The following GNL3 variants were observed in gnomAD, a reference collection of about 807,000 sequenced individuals.
GNL3 encodes the protein guanine nucleotide-binding protein-like 3.
GNL3 carries 77 observed loss-of-function variants against 70.6 expected under a neutral mutation model. The observed-to-expected ratio is 1.09, with a 90% CI of 0.91 to 1.32. The LOEUF (loss-of-function observed/expected upper bound fraction) is 1.32. GNL3 is among the 40% of genes most tolerant of loss of function. The probability of loss-of-function intolerance (pLI) is 0.00; values close to 1 mark genes in which losing one functional copy is unlikely to be tolerated. For missense variants in GNL3, 634 were observed against 644.0 expected (o/e 0.98, Z 0.17); for synonymous variants, 252 against 216.1 (o/e 1.17, Z -1.46).
rs751951552 is a variant in GNL3, at chr3:52,689,100, A to G, written c.435A>G (p.Leu145=). 1.7e-5 allele frequency: 27 copies of G among 1,613,148 alleles called. No individual in the cohort carries two copies. The Admixed American group carries it at 4.5e-4, about 27-fold the overall frequency. ...TGATTGAAGCCTCCGATGTTGTCCT[A>G]GAGGTGTTGGATGCCAGAGATCCTC... The part of the protein sequence containing the change: ...KKVIEASDVV[L]EVLDARDPLG... Residue 145 remains leucine, a synonymous_variant, in exon 6 of 15, where the codon CTA becomes CTG. Transcript: ENST00000418458.
Position 52,690,629 on chromosome 3 carries a change from T to G in GNL3, c.579T>G (p.Asn193Lys). ...VPKENLESWL[N>K]YLKKELPTVV... ...AGGAGAATTTGGAGAGCTGGCTAAA[T>G]TATTTGAAGAAAGAATTGCCAACAG... The change falls in exon 7 of 15, where the codon AAT becomes AAG. Residue 193 changes from asparagine (N) to lysine (K), a missense_variant. Asn to Lys is a moderately conservative substitution (Grantham distance 94, BLOSUM62 0). Coordinates refer to ENST00000418458, the MANE Select transcript of GNL3 (RefSeq NM_014366.5). The G allele has an allele frequency of 1.2e-6, 2 of 1,611,130 alleles. No individual in the cohort carries two copies. Among genetic ancestry groups the G allele is most frequent in the Non-Finnish European group, 1.7e-6 (2 of 1,177,304 alleles).
chr3:52,687,489 A>C lies in GNL3; in HGVS notation c.211-13A>C. 2 of 1,602,740 alleles carry C rather than the reference A, an allele frequency of 1.2e-6. No homozygotes were observed. Among genetic ancestry groups the C allele is most frequent in the East Asian group, 4.5e-5 (2 of 44,812 alleles). On this transcript the variant is annotated splice_polypyrimidine_tract_variant and intron_variant, in intron 3 of 14. Coordinates refer to ENST00000418458, the MANE Select transcript of GNL3 (RefSeq NM_014366.5). The stretch of plus-strand genomic sequence containing the variant: ...AGTCACTGGTTCACCTATTTCCCTT[A>C]TGGCTCTGACAGCTTGAAGAACTAA...
chr3:52,688,424 C>T (rs528854907), intron 5 of GNL3, among the ~76,000 whole-genome samples: 13 of 152,322 alleles, frequency 8.5e-5, no homozygotes, highest in African/African-American at 2.9e-4. Flanking sequence ...ACCAACAAAT[C>T]ATTTCGTGAC....
Position 52,689,187 on chromosome 3 carries a change from A to G in GNL3, c.522A>G (p.Val174=). 6.2e-7 allele frequency: 1 copy of G among 1,613,512 alleles called. No individual in the cohort carries two copies. Among genetic ancestry groups the G allele is most frequent in the African/African-American group, 1.3e-5 (1 of 75,030 alleles). The change falls in exon 6 of 15, where the codon GTA becomes GTG. Residue 174 remains valine (V), a synonymous_variant. Coordinates refer to ENST00000418458, the MANE Select transcript of GNL3 (RefSeq NM_014366.5). ...AIVQSGQKKL[V]LILNKSDLVP... is the part of the protein sequence containing the mutation. ...TCCAGAGTGGACAGAAAAAGCTGGT[A>G]CTTATATTAAATAAATCAGGTGAGT...
intron 1 of GNL3, among the ~76,000 whole-genome samples, 163 bp from the exon 2 acceptor site, chr3:52,686,606 C>T (rs2097313489): frequency 6.6e-6 from 1 of 152,146 alleles, no homozygotes; most frequent in Non-Finnish European, 1.5e-5. Context: ...GAATTTAATT[C>T]TCTGGGATTT....
intron 5 of GNL3, among the ~76,000 whole-genome samples, chr3:52,688,466 C>A (rs908794144): frequency 1.3e-5 from 2 of 152,176 alleles, no homozygotes; most frequent in African/African-American, 2.4e-5. Context: ...TAATGCCTTT[C>A]CTGCTATGTT....
In GNL3 at chr3:52,690,628, A is replaced by G; in HGVS notation, c.578A>G (p.Asn193Ser). Reference sequence around the variant, plus strand: ...AAGGAGAATTTGGAGAGCTGGCTAAATTATTTGAAGAAAGAATTGCCAACA... The same window carrying G: ...AAGGAGAATTTGGAGAGCTGGCTAAGTTATTTGAAGAAAGAATTGCCAACA... ...VPKENLESWL[N>S]YLKKELPTVV... The change falls in exon 7 of 15, where the codon AAT becomes AGT. Residue 193 changes from asparagine to serine, a missense_variant. Transcript: ENST00000418458. 1 of 1,611,148 alleles carries G rather than the reference A, an allele frequency of 6.2e-7. No individual in the cohort carries two copies. Among genetic ancestry groups the G allele is most frequent in the South Asian group, 1.1e-5 (1 of 91,014 alleles).
Position 52,690,645 on chromosome 3 carries a change from T to A in GNL3, c.595T>A (p.Leu199Met). 6.2e-7 allele frequency: 1 copy of A among 1,612,020 alleles called. No individual in the cohort carries two copies. Among genetic ancestry groups the A allele is most frequent in the Non-Finnish European group, 8.5e-7 (1 of 1,178,088 alleles). The part of the protein sequence containing the change: ...ESWLNYLKKE[L>M]PTVVFRASTK... ...CTGGCTAAATTATTTGAAGAAAGAA[T>A]TGCCAACAGTGGTGTTCAGAGCCTC... The change falls in exon 7 of 15, where the codon TTG becomes ATG. Residue 199 changes from leucine (L) to methionine (M), a missense_variant. Coordinates refer to ENST00000418458, the MANE Select transcript of GNL3 (RefSeq NM_014366.5).
intron 9 of GNL3, among the ~76,000 whole-genome samples, chr3:52,692,229 T>A (rs537163301): frequency 7.8e-4 from 118 of 152,256 alleles, no homozygotes; most frequent in African/African-American, 2.6e-3. Flanking sequence ...TTTGTATTTT[T>A]AATAGAGATG....
intron 8 of GNL3, 48 bp downstream of exon 8, chr3:52,691,119 A>G (rs779295400): frequency 1.3e-6 from 2 of 1,566,818 alleles, no homozygotes; most frequent in African/African-American, 1.4e-5. Flanking sequence ...TGAAATAGTT[A>G]AGAAGTTTAG....
At chr3:52,691,767 A>G (rs1157019068) in intron 9 of GNL3, 138 bp downstream of exon 9, 12 of 610,804 alleles carry the variant, frequency 2.0e-5, no homozygotes, top group Non-Finnish European at 3.5e-5. Context: ...CAATGGCGCA[A>G]TCTCGGCTCA....
chr3:52,690,946 G>T lies in GNL3; in HGVS notation c.656G>T (p.Arg219Leu). 1.2e-6 allele frequency: 2 copies of T among 1,613,756 alleles called. No individual in the cohort carries two copies. The highest frequency in any genetic ancestry group is 1.3e-5 in the African/African-American group (1 of 75,050). The change falls in exon 8 of 15, where the codon CGT (arginine) becomes CTT (leucine). Residue 219 changes from arginine (R) to leucine (L), a missense_variant and splice_region_variant. Arg to Leu is a moderately radical substitution (Grantham distance 102, BLOSUM62 -2). Transcript: ENST00000418458. ...KPKDKGKITK[R>L]VKAKKNAAPF... ...TAATTCAACTATTTGGAATTTTAGC[G>T]TGTGAAGGCAAAGAAGAATGCTGCT...
intron 8 of GNL3, 196 bp from the exon 9 acceptor site, chr3:52,691,346 A>G: frequency 4.9e-6 from 3 of 612,636 alleles, no homozygotes; most frequent in East Asian, 2.8e-5. Context: ...GTTTGAATTT[A>G]TAGTATTTTC....
In GNL3 at chr3:52,694,239, G is replaced by A; in HGVS notation, c.1614G>A (p.Glu538=). The part of the protein sequence containing the change: ...RSFILDKIIE[E]DDAYDFSTDY... ...TTATCTTGGATAAAATCATTGAAGAGGATGATGCTTATGACTTCAGTACAG... is the reference window on the plus strand; with the variant it reads ...TTATCTTGGATAAAATCATTGAAGAAGATGATGCTTATGACTTCAGTACAG... The change falls in exon 15 of 15, where the codon GAG becomes GAA. Residue 538 remains glutamate, a synonymous_variant. Coordinates refer to ENST00000418458, the MANE Select transcript of GNL3 (RefSeq NM_014366.5). 5 of 1,588,630 alleles carry A rather than the reference G, an allele frequency of 3.1e-6. No individual in the cohort carries two copies. Among genetic ancestry groups the A allele is most frequent in the Non-Finnish European group, 4.3e-6 (5 of 1,158,318 alleles).
chr3:52,691,919 T>TC (rs1276885547), intron 9 of GNL3, among the ~76,000 whole-genome samples: 4 of 152,174 alleles, frequency 2.6e-5, no homozygotes, highest in Non-Finnish European at 2.9e-5. Flanking sequence ...TAGGCTGGTC[T>TC]CAAACTCCTG....
At position 52,693,309 on chromosome 3, in the gene GNL3, G is replaced by A; in HGVS notation, c.1167G>A (p.Leu389=). 1 of 1,614,198 alleles carries A rather than the reference G, an allele frequency of 6.2e-7. No individual in the cohort carries two copies. Among genetic ancestry groups the A allele is most frequent in the South Asian group, 1.1e-5 (1 of 91,078 alleles). Residue 389 remains leucine (L), a synonymous_variant, in exon 11 of 15, where the codon CTG becomes CTA. Transcript: ENST00000418458. ...GIPNVEGAAK[L]LWSEWTGASL... ...CAAATGTTGAAGGTGCTGCCAAACT[G>A]CTGTGGTCTGAGTGGACAGGGTAAG...
At chr3:52,690,775 C>T (rs1432007247) in intron 7 of GNL3, 71 bp downstream of exon 7, 1 of 1,167,860 alleles carries the variant, frequency 8.6e-7, no homozygotes, top group Non-Finnish European at 1.3e-6. Flanking sequence ...TGTACAAAAT[C>T]TTGATTTAAG....
chr3:52,690,601 C>T lies in GNL3; in HGVS notation c.551C>T (p.Pro184Leu). Residue 184 changes from proline (P) to leucine (L), a missense_variant, in exon 7 of 15, where the codon CCA becomes CTA. Physicochemically the swap from Pro to Leu is moderately conservative, Grantham distance 98. Coordinates refer to ENST00000418458, the MANE Select transcript of GNL3 (RefSeq NM_014366.5). Reference protein sequence around the residue: ...VLILNKSDLVPKENLESWLNY... With the variant: ...VLILNKSDLVLKENLESWLNY... ...TTCTAATTGCTATCAGATCTGGTAC[C>T]AAAGGAGAATTTGGAGAGCTGGCTA... 1 of 1,591,718 alleles carries T rather than the reference C, an allele frequency of 6.3e-7. No individual in the cohort carries two copies. Among genetic ancestry groups the T allele is most frequent in the Non-Finnish European group, 8.6e-7 (1 of 1,159,686 alleles).
Position 52,691,592 on chromosome 3 carries a change from C to G in GNL3, c.832C>G (p.Gln278Glu), listed in dbSNP as rs1331711821. The change falls in exon 9 of 15, where the codon CAG (glutamine) becomes GAG (glutamate). Residue 278 changes from glutamine (Q) to glutamate (E), a missense_variant. Gln to Glu is a conservative substitution (Grantham distance 29). Coordinates refer to ENST00000418458, the MANE Select transcript of GNL3 (RefSeq NM_014366.5). ...SSIINSLKQE[Q>E]MCNVGVSMGL... ...CATTATCAATAGCTTAAAACAAGAA[C>G]AGATGTGTAATGTTGGTGTATCCAT... The G allele has an allele frequency of 2.5e-6, 4 of 1,601,990 alleles. No homozygotes were observed. In the African/African-American group the frequency reaches 5.4e-5, roughly 21 times the overall value.
Sources: allele counts gnomAD v4.1 joint callset (sites outside exome capture counted in the v4.1 genomes callset), GRCh38; gene constraint gnomAD v4.1.1; transcripts MANE v1.5; gene names NCBI Gene and HGNC (gene_info 2026-07-23, HGNC 2026-07-21).